Variants in GLIS2 observed in about 807,000 individuals in gnomAD.
The protein encoded by GLIS2 is zinc finger protein GLIS2.
GLIS2 carries 14 observed loss-of-function variants against 35.6 expected under a neutral mutation model. The ratio of observed to expected loss-of-function variants is 0.39; its 90% CI spans 0.26 to 0.61. The LOEUF is 0.61. GLIS2 is among the 20% of genes least tolerant of loss of function. GLIS2 has a pLI of 0.48. For missense variants in GLIS2, 675 were observed against 713.4 expected, an observed-to-expected ratio of 0.95 and a Z score of 0.61; for synonymous variants, 368 against 325.1, an observed-to-expected ratio of 1.13 and a Z score of -1.42.
intron 1 of GLIS2, among the ~76,000 whole-genome samples, chr16:4,331,397 T>C (rs2053494681): frequency 6.6e-6 from 1 of 152,208 alleles, no homozygotes; most frequent in African/African-American, 2.4e-5. Flanking sequence ...TACTTTCAGT[T>C]AGTCTATAAT....
rs886051992 is a variant in GLIS2, at chr16:4,338,075, C to G, written c.*551C>G. ...AGAGGGAAAGCAAGACAGATGCAGG[C>G]CCCTGCAAAGCCCCAGGTAGAAGCA... On this transcript the variant is annotated 3_prime_UTR_variant, in exon 7 of 7. Coordinates refer to ENST00000433375, the MANE Select transcript of GLIS2 (RefSeq NM_032575.3). The G allele has an allele frequency of 4.5e-5, 8 of 178,674 alleles. No individual in the cohort carries two copies. Among genetic ancestry groups the G allele is most frequent in the Non-Finnish European group, 8.4e-5 (7 of 83,746 alleles). The allele number at this position is 178,674 out of a possible 1,614,324, so 11.1% of individuals were successfully genotyped here. A position where few individuals can be genotyped will look rare whatever the true frequency, so the allele number is the denominator to read the frequency against.
rs760564252 is a variant in GLIS2 at position 4,337,133 on chromosome 16, G to A, written c.1184G>A (p.Gly395Glu). 3 of 1,536,658 alleles carry A rather than the reference G, an allele frequency of 2.0e-6. No homozygotes were observed. Among genetic ancestry groups the A allele is most frequent in the Non-Finnish European group, 1.7e-6 (2 of 1,146,568 alleles). ...GGCAACGGTGGGGGCAGTGGGGGTG[G>A]GGGGGGCATGGGCCCTGGGCTGCCA... ...ACGNGGGSGG[G>E]GGMGPGLPGP... The change falls in exon 7 of 7, where the codon GGG becomes GAG. Residue 395 changes from glycine to glutamate, a missense_variant. Gly to Glu is a moderately conservative substitution (Grantham distance 98). This residue lies in a region of GLIS2 where 317 missense variants were observed against 283.2 expected (regional missense o/e 1.12). Coordinates refer to ENST00000433375, the MANE Select transcript of GLIS2 (RefSeq NM_032575.3).
intron 1 of GLIS2, among the ~76,000 whole-genome samples, chr16:4,319,673 A>C (rs2053355334): frequency 6.6e-6 from 1 of 151,808 alleles, no homozygotes; most frequent in African/African-American, 2.4e-5. Flanking sequence ...CCGCGCTTCC[A>C]ACAAGCACCT....
chr16:4,335,503 G>C lies in GLIS2; in HGVS notation c.775+110G>C, dbSNP rs1020486003. On this transcript the variant is annotated intron_variant, in intron 6 of 6. Coordinates refer to ENST00000433375, the MANE Select transcript of GLIS2 (RefSeq NM_032575.3). The surrounding 1 kb of genome is among the most constrained non-coding windows in gnomAD (Gnocchi z 4.6). ...TGTTAAGTAAATCCCGGGCCTCAGAGATAAGGGTTGATGTCATCGCCCAGG... is the reference window on the plus strand; with the variant it reads ...TGTTAAGTAAATCCCGGGCCTCAGACATAAGGGTTGATGTCATCGCCCAGG... 3 of 955,574 alleles carry C rather than the reference G, an allele frequency of 3.1e-6. No homozygotes were observed. The African/African-American group carries it at 4.8e-5, about 15-fold the overall frequency. 59.2% of individuals were successfully genotyped at this position (955,574 alleles called of 1,614,324 possible).
chr16:4,318,276 C>T (rs1176866898), intron 1 of GLIS2, among the ~76,000 whole-genome samples: 1 of 152,202 alleles, frequency 6.6e-6, no homozygotes, highest in African/African-American at 2.4e-5. Context: ...GGTCAGACTC[C>T]TCCCCTCTCC....
In GLIS2 at chr16:4,338,285, CCT is replaced by C. The variant is rs1351854270; in HGVS notation, c.*762_*763del. The C allele has an allele frequency of 6.6e-6, 1 of 152,536 alleles. No individual in the cohort carries two copies. The highest frequency in any genetic ancestry group is 6.5e-5 in the Admixed American group (1 of 15,296). 9.4% of individuals were successfully genotyped at this position (152,536 alleles called of 1,614,324 possible). On this transcript the variant is annotated 3_prime_UTR_variant, in exon 7 of 7. Coordinates refer to ENST00000433375, the MANE Select transcript of GLIS2 (RefSeq NM_032575.3). Reference sequence around the variant, plus strand: ...AGCGTGGGAAGCAGGTCCGAGGGCCCCTGAGCTGGCAAGGGGAGGTGCCAGGC... The same window carrying C: ...AGCGTGGGAAGCAGGTCCGAGGGCCCGAGCTGGCAAGGGGAGGTGCCAGGC...
Position 4,332,386 on chromosome 16 carries a change from C to A in GLIS2, c.106C>A (p.Leu36Met). Residue 36 changes from leucine (L) to methionine (M), a missense_variant, in exon 2 of 7, where the codon CTG (leucine) becomes ATG (methionine). By Grantham distance (15) the Leu-to-Met change is conservative. Transcript: ENST00000433375. This position sits in a 1 kb window ranked among gnomAD's most constrained non-coding sequence, Gnocchi z 5.4. ...GCTGGGTGTGGTCCGGCCCCGTGCT[C>A]TGCACAGGGAGCTGGGCCTGGTGGA... is the stretch of plus-strand genomic sequence containing the variant. ...RTLGVVRPRA[L>M]HRELGLVDDS... 1 of 1,612,996 alleles carries A rather than the reference C, an allele frequency of 6.2e-7. No individual in the cohort carries two copies. Among genetic ancestry groups the A allele is most frequent in the Non-Finnish European group, 8.5e-7 (1 of 1,180,012 alleles).
intron 1 of GLIS2, chr16:4,331,808 C>T: frequency 4.5e-6 from 1 of 221,674 alleles, no homozygotes; most frequent in Admixed American, 5.1e-5. Context: ...TTTAATTAGC[C>T]AGGAGCGGTG....
chr16:4,337,941 C>G lies in GLIS2; in HGVS notation c.*417C>G, dbSNP rs1184115120. 2.9e-6 allele frequency: 1 copy of G among 340,864 alleles called. No individual in the cohort carries two copies. The highest frequency in any genetic ancestry group is 5.6e-6 in the Non-Finnish European group (1 of 178,626). 21.1% of individuals were successfully genotyped at this position (340,864 alleles called of 1,614,324 possible). On this transcript the variant is annotated 3_prime_UTR_variant, in exon 7 of 7. Coordinates refer to ENST00000433375, the MANE Select transcript of GLIS2 (RefSeq NM_032575.3). The stretch of plus-strand genomic sequence containing the variant: ...CCCTCCCTGCTAGCACCAGGCTCCC[C>G]CTTCCTGAGAGGAGCCCCCAGGGAC...
chr16:4,319,273 T>C (rs1213081837), intron 1 of GLIS2, among the ~76,000 whole-genome samples: 4 of 152,166 alleles, frequency 2.6e-5, no homozygotes, highest in Admixed American at 6.5e-5. Flanking sequence ...CTGGGTGGTC[T>C]TCCCCTCACC....
intron 6 of GLIS2, 82 bp from the exon 7 acceptor site, chr16:4,336,643 C>G: frequency 7.2e-7 from 1 of 1,393,024 alleles, no homozygotes; most frequent in South Asian, 1.2e-5. Flanking sequence ...GTGCTTGGCC[C>G]GGGGAAATGT....
chr16:4,321,770 CACTCCCA>C (rs1567217281), intron 1 of GLIS2, among the ~76,000 whole-genome samples: 1 of 152,162 alleles, frequency 6.6e-6, no homozygotes, highest in African/African-American at 2.4e-5. Flanking sequence ...TGTCCCGGCC[CACTCCCA>C]GGCTCCCTTC....
At chr16:4,328,657 G>A (rs1248007599) in intron 1 of GLIS2, among the ~76,000 whole-genome samples, 1 of 152,208 alleles carries the variant, frequency 6.6e-6, no homozygotes, top group Non-Finnish European at 1.5e-5. Flanking sequence ...AGGACCCAGT[G>A]GCAGGAAGTG....
At chr16:4,318,096 A>G (rs1400725446) in intron 1 of GLIS2, among the ~76,000 whole-genome samples, 3 of 152,156 alleles carry the variant, frequency 2.0e-5, no homozygotes, top group Non-Finnish European at 2.9e-5. Flanking sequence ...GGGAAGCCAG[A>G]CAGTGAGTCA....
Position 4,332,249 on chromosome 16 carries a change from C to T in GLIS2, c.-32C>T. 5 of 1,607,656 alleles carry T rather than the reference C, an allele frequency of 3.1e-6. No individual in the cohort carries two copies. The South Asian group carries it at 5.5e-5, about 18-fold the overall frequency. On this transcript the variant is annotated 5_prime_UTR_variant, in exon 2 of 7. Coordinates refer to ENST00000433375, the MANE Select transcript of GLIS2 (RefSeq NM_032575.3). This position sits in a 1 kb window ranked among gnomAD's most constrained non-coding sequence, Gnocchi z 5.4. ...TGAAGACCAGCTGGGAGCCCACTGCCTGCTGCCACCTCCAACTCCGGCCCC... is the reference window on the plus strand; with the variant it reads ...TGAAGACCAGCTGGGAGCCCACTGCTTGCTGCCACCTCCAACTCCGGCCCC...
intron 1 of GLIS2, among the ~76,000 whole-genome samples, chr16:4,318,988 G>A (rs549935772): frequency 8.5e-4 from 129 of 152,238 alleles, no homozygotes; most frequent in African/African-American, 2.5e-3. Context: ...GGCATCTTGG[G>A]GGGGCTCCTG....
At chr16:4,330,040 G>A (rs532179821) in intron 1 of GLIS2, among the ~76,000 whole-genome samples, 2 of 152,318 alleles carry the variant, frequency 1.3e-5, no homozygotes, top group Non-Finnish European at 2.9e-5. Flanking sequence ...ACTTTGGGAG[G>A]CCGAGGTGGG....
In GLIS2 at chr16:4,338,654, G is replaced by A. The variant is rs7197512; in HGVS notation, c.*1130G>A. The A allele has an allele frequency of 9.3e-3, 1,426 of 153,120 alleles. 15 individuals carry two copies. The highest frequency in any genetic ancestry group is 0.03 in the Middle Eastern group (9 of 300). 9.5% of individuals were successfully genotyped at this position (153,120 alleles called of 1,614,324 possible). A position where few individuals can be genotyped will look rare whatever the true frequency, so the allele number is the denominator to read the frequency against. ...GAGGAGGGTGCTGGACCCATGACACGTTGCTTCCTCTGGCTTTTCCCTGCT... is the reference window on the plus strand; with the variant it reads ...GAGGAGGGTGCTGGACCCATGACACATTGCTTCCTCTGGCTTTTCCCTGCT... On this transcript the variant is annotated 3_prime_UTR_variant, in exon 7 of 7. Coordinates refer to ENST00000433375, the MANE Select transcript of GLIS2 (RefSeq NM_032575.3).
rs1242891332 is a variant in GLIS2 at position 4,316,162 on chromosome 16, C to T, written c.-159C>T. On this transcript the variant is annotated 5_prime_UTR_variant, in exon 1 of 7. Transcript: ENST00000433375. ...GCCCCGTGAGGCCTCGCGCCCCGGC[C>T]CCCGCCCGTCCCGGCCCCTCCCCCG... Among the ~76,000 whole-genome samples the T allele has an allele frequency of 6.9e-6, 1 of 145,628 alleles. No homozygotes were observed. Among genetic ancestry groups the T allele is most frequent in the Non-Finnish European group, 1.5e-5 (1 of 65,518 alleles).
Sources: gnomAD v4.1 joint callset for allele counts (sites outside exome capture counted in the v4.1 genomes callset) on GRCh38, gnomAD v4.1.1 for gene constraint, gnomAD v4.1.1 regional missense constraint, Gnocchi (gnomAD v3.1) non-coding constraint, MANE v1.5 for transcripts, NCBI Gene and HGNC (gene_info 2026-07-23, HGNC 2026-07-21) for gene names.